Variants in LRRIQ1 observed in about 807,000 individuals in gnomAD.
The protein encoded by LRRIQ1 is leucine-rich repeat- and IQ domain-containing protein 1.
In LRRIQ1, 210 loss-of-function variants were observed where a neutral mutation model predicts 211.9. That is an observed-to-expected ratio of 0.99 (90% confidence interval 0.89 to 1.11). The LOEUF is 1.11. Among genes scored for constraint, LRRIQ1 ranks in the 50% most tolerant of loss-of-function variants. The pLI, the probability that LRRIQ1 is intolerant of heterozygous loss-of-function variation, is 0.00. For missense variants in LRRIQ1, 2,136 were observed against 1,939.5 expected (o/e 1.10, Z -1.90); for synonymous variants, 699 against 650.1 (o/e 1.08, Z -1.14).
At chr12:85,099,669 A>C (rs1369744518) in intron 13 of LRRIQ1, among the ~76,000 whole-genome samples, 1 of 151,836 alleles carries the variant, frequency 6.6e-6, no homozygotes. Context: ...TCAAAGGCAC[A>C]AGGAGTAGGG....
intron 15 of LRRIQ1, among the ~76,000 whole-genome samples, chr12:85,114,772 T>C (rs924288686): frequency 6.6e-6 from 1 of 152,192 alleles, no homozygotes; most frequent in Non-Finnish European, 1.5e-5. Context: ...GCTGTCAAGT[T>C]TCATTTACAT....
intron 24 of LRRIQ1, among the ~76,000 whole-genome samples, chr12:85,181,624 T>C (rs943709122): frequency 1.3e-5 from 2 of 151,984 alleles, no homozygotes; most frequent in Admixed American, 6.6e-5. Context: ...CAACATTTTA[T>C]CATCACACAA....
chr12:85,179,406 A>G (rs1891873042), intron 24 of LRRIQ1, among the ~76,000 whole-genome samples: 2 of 151,998 alleles, frequency 1.3e-5, no homozygotes, highest in African/African-American at 4.8e-5. Context: ...AAAGAAGTAG[A>G]TGATAGCATT....
intron 11 of LRRIQ1, among the ~76,000 whole-genome samples, chr12:85,086,330 G>C (rs557404025): frequency 6.6e-6 from 1 of 152,172 alleles, no homozygotes; most frequent in South Asian, 2.1e-4. Context: ...TGTGTCATGG[G>C]GGAGGCTCCC....
intron 23 of LRRIQ1, among the ~76,000 whole-genome samples, chr12:85,156,701 T>C (rs1428654076): frequency 6.6e-6 from 1 of 151,856 alleles, no homozygotes; most frequent in Non-Finnish European, 1.5e-5. Context: ...AGTTTTTAAA[T>C]ATACTTGGAG....
At chr12:85,251,776 G>GAAAA (rs1895950499) in intron 1 of LRRIQ1, among the ~76,000 whole-genome samples, 1 of 108,944 alleles carries the variant, frequency 9.2e-6, no homozygotes, top group African/African-American at 8.8e-5. Context: ...GAGAAGTGGC[G>GAAAA]CAAAAAAAAA....
chr12:85,075,734 G>T (rs1394883619), intron 11 of LRRIQ1, among the ~76,000 whole-genome samples: 1 of 151,938 alleles, frequency 6.6e-6, no homozygotes, highest in Non-Finnish European at 1.5e-5. Context: ...GAGTATGGTG[G>T]CATGCTCCTG....
At chr12:85,064,136 C>T (rs1311302857) in intron 8 of LRRIQ1, among the ~76,000 whole-genome samples, 3 of 151,942 alleles carry the variant, frequency 2.0e-5, no homozygotes, top group Middle Eastern at 6.8e-3. Flanking sequence ...TACTAATTCA[C>T]ATTCCCACCA....
At chr12:85,196,300 T>C (rs1207929630) in intron 24 of LRRIQ1, among the ~76,000 whole-genome samples, 1 of 152,120 alleles carries the variant, frequency 6.6e-6, no homozygotes, top group East Asian at 1.9e-4. Context: ...TACCAATGAC[T>C]TTCTTCACAG....
intron 13 of LRRIQ1, among the ~76,000 whole-genome samples, chr12:85,102,953 A>ATATATATAT (rs1555207709): frequency 1.4e-3 from 165 of 118,692 alleles, no homozygotes; most frequent in African/African-American, 5.6e-3. Context: ...GCAAAAAAAA[A>ATATATATAT]AAAAAAATAT....
At chr12:85,116,360 G>A (rs1887578643) in intron 15 of LRRIQ1, among the ~76,000 whole-genome samples, 1 of 152,000 alleles carries the variant, frequency 6.6e-6, no homozygotes, top group South Asian at 2.1e-4. Flanking sequence ...TAGCCAGGCT[G>A]GTCTGGATCT....
chr12:85,250,807 T>TATTATATATAATATATATTATAG (rs1895889106), intron 1 of LRRIQ1, among the ~76,000 whole-genome samples: 2 of 86,974 alleles, frequency 2.3e-5, no homozygotes, highest in East Asian at 6.0e-4. Context: ...TTATATATTA[T>TATTATATATAATATATATTATAG]ATTATATATA....
intron 1 of LRRIQ1, among the ~76,000 whole-genome samples, chr12:85,262,267 C>G (rs942504348): frequency 6.6e-6 from 1 of 152,010 alleles, no homozygotes; most frequent in Non-Finnish European, 1.5e-5. Flanking sequence ...TCTCACTGAT[C>G]TTACTACCAC....
intron 18 of LRRIQ1, among the ~76,000 whole-genome samples, chr12:85,128,420 C>T (rs984892739): frequency 2.4e-4 from 37 of 151,924 alleles, no homozygotes; most frequent in Admixed American, 1.3e-3. Flanking sequence ...GCCCAGAAAG[C>T]GAGACTCCAT....
At chr12:85,058,636 T>C (rs772170890) in intron 8 of LRRIQ1, among the ~76,000 whole-genome samples, 19 of 152,040 alleles carry the variant, frequency 1.2e-4, no homozygotes, top group Non-Finnish European at 2.6e-4. Flanking sequence ...TCCAGCTGAC[T>C]CTCTGTTCCT....
chr12:85,252,008 C>T (rs753519410), intron 1 of LRRIQ1, among the ~76,000 whole-genome samples: 1 of 151,818 alleles, frequency 6.6e-6, no homozygotes, highest in African/African-American at 2.4e-5. Flanking sequence ...TTTAAATGGT[C>T]TCTAATTATT....
At chr12:85,172,470 A>G (rs1014439727) in intron 24 of LRRIQ1, among the ~76,000 whole-genome samples, 1 of 152,196 alleles carries the variant, frequency 6.6e-6, no homozygotes, top group African/African-American at 2.4e-5. Context: ...TAAATACTCC[A>G]TGTCCTGTTT....
chr12:85,192,127 T>C (rs1017279111), intron 24 of LRRIQ1, among the ~76,000 whole-genome samples: 6 of 151,566 alleles, frequency 4.0e-5, no homozygotes, highest in Non-Finnish European at 8.8e-5. Flanking sequence ...ATCTGATAAG[T>C]ATTACAGCTT....
chr12:85,082,360 T>C (rs751056347), intron 11 of LRRIQ1, among the ~76,000 whole-genome samples: 18 of 152,298 alleles, frequency 1.2e-4, no homozygotes, highest in Middle Eastern at 6.8e-3. Context: ...CACCTTTACA[T>C]TGATGTGTCT....
Sources: gnomAD v4.1 joint callset for allele counts (sites outside exome capture counted in the v4.1 genomes callset) on GRCh38, gnomAD v4.1.1 for gene constraint, MANE v1.5 for transcripts, NCBI Gene and HGNC (gene_info 2026-07-23, HGNC 2026-07-21) for gene names.